The following DCUN1D4 variants were observed in gnomAD, a reference collection of about 807,000 sequenced individuals.
The protein encoded by DCUN1D4 is defective in cullin neddylation 1 domain containing 4.
Under a neutral mutation model 47.9 loss-of-function variants are expected in DCUN1D4, and 22 were observed. That is an observed-to-expected ratio of 0.46 (90% CI 0.33 to 0.66). The LOEUF (loss-of-function observed/expected upper bound fraction) is 0.66. Among genes scored for constraint, DCUN1D4 ranks in the 30% least tolerant of loss-of-function variants. DCUN1D4 has a pLI of 0.02. For missense variants in DCUN1D4, 301 were observed against 340.8 expected, an observed-to-expected ratio of 0.88 and a Z score of 0.92; for synonymous variants, 121 against 112.2, an observed-to-expected ratio of 1.08 and a Z score of -0.50.
At chr4:51,894,560 C>T (rs754077539) in intron 7 of DCUN1D4, among the ~76,000 whole-genome samples, 1 of 152,128 alleles carries the variant, frequency 6.6e-6, no homozygotes, top group Non-Finnish European at 1.5e-5. Context: ...GTCATAAGGT[C>T]ACTTGTCTTT....
At chr4:51,887,526 A>G (rs1057155673) in intron 6 of DCUN1D4, among the ~76,000 whole-genome samples, 1 of 151,944 alleles carries the variant, frequency 6.6e-6, no homozygotes, top group Non-Finnish European at 1.5e-5. Context: ...TTCCTACATC[A>G]CCTCTCTTAC....
intron 1 of DCUN1D4, among the ~76,000 whole-genome samples, chr4:51,847,692 G>A (rs1722769333): frequency 6.6e-6 from 1 of 151,794 alleles, no homozygotes; most frequent in Admixed American, 6.6e-5. Flanking sequence ...TGGGCTTCAG[G>A]GGTCCTTCCA....
chr4:51,849,003 G>A (rs947672690), intron 1 of DCUN1D4, among the ~76,000 whole-genome samples: 7 of 152,042 alleles, frequency 4.6e-5, no homozygotes, highest in African/African-American at 1.7e-4. Flanking sequence ...TTGCAGAGAC[G>A]GGGAGTAATC....
intron 7 of DCUN1D4, among the ~76,000 whole-genome samples, chr4:51,897,900 A>G (rs1731511393): frequency 6.6e-6 from 1 of 152,258 alleles, no homozygotes; most frequent in Admixed American, 6.5e-5. Context: ...AGTCCAGAAA[A>G]TAAGAAGGTC....
intron 3 of DCUN1D4, among the ~76,000 whole-genome samples, chr4:51,867,087 G>T (rs975974977): frequency 6.6e-6 from 1 of 152,254 alleles, no homozygotes; most frequent in Non-Finnish European, 1.5e-5. Context: ...CTGCAGTGGG[G>T]CAAGTAGCTC....
intron 3 of DCUN1D4, among the ~76,000 whole-genome samples, chr4:51,866,411 T>TGATGATGATGATG (rs1725924857): frequency 1.8e-5 from 1 of 55,626 alleles, no homozygotes. Context: ...GATGATGATG[T>TGATGATGATGATG]ATTTTTTCCT....
At chr4:51,878,937 G>A (rs1207736135) in intron 5 of DCUN1D4, among the ~76,000 whole-genome samples, 1 of 152,146 alleles carries the variant, frequency 6.6e-6, no homozygotes, top group Non-Finnish European at 1.5e-5. Context: ...CCTTGCCCCT[G>A]TTGGCCACAG....
chr4:51,834,074 CTCTCTCTCTCTCT>C, the DCUN1D4 span, among the ~76,000 whole-genome samples: 7 of 106,010 alleles, frequency 6.6e-5, no homozygotes, highest in East Asian at 1.7e-3. Context: ...CTCTCTCTCT[CTCTCTCTCTCTCT>C]TTTCTTTTCT....
intron 5 of DCUN1D4, 145 bp from the exon 6 acceptor site, chr4:51,886,423 A>C (rs1202417270): frequency 1.0e-5 from 6 of 582,428 alleles, no homozygotes; most frequent in Non-Finnish European, 1.8e-5. Context: ...AAATTCGAGA[A>C]TACTTTTCAA....
the DCUN1D4 span, among the ~76,000 whole-genome samples, chr4:51,835,037 G>T: frequency 6.6e-6 from 1 of 152,174 alleles, no homozygotes; most frequent in Non-Finnish European, 1.5e-5. Flanking sequence ...ATTTGCCTTG[G>T]ACTCCAAAGA....
chr4:51,882,972 G>A (rs1424998133), intron 5 of DCUN1D4, among the ~76,000 whole-genome samples: 2 of 151,944 alleles, frequency 1.3e-5, no homozygotes, highest in African/African-American at 4.8e-5. Context: ...AACAAAATAG[G>A]AATAGATGAA....
intron 1 of DCUN1D4, chr4:51,845,303 G>C: frequency 1.0e-6 from 1 of 983,808 alleles, no homozygotes; most frequent in South Asian, 4.7e-5. Flanking sequence ...TGGGGTGTTT[G>C]AAAAAATAAC....
chr4:51,882,780 A>G (rs1728872525), intron 5 of DCUN1D4, among the ~76,000 whole-genome samples: 1 of 152,092 alleles, frequency 6.6e-6, no homozygotes. Flanking sequence ...AAATAAATAA[A>G]TAAATAAAAG....
At chr4:51,863,974 G>C (rs185189288) in intron 3 of DCUN1D4, among the ~76,000 whole-genome samples, 1 of 152,256 alleles carries the variant, frequency 6.6e-6, no homozygotes, top group Non-Finnish European at 1.5e-5. Flanking sequence ...CTCTACTGCA[G>C]TATTTTCATT....
Position 51,853,102 on chromosome 4 carries a change from G to A in DCUN1D4, c.25+9835G>A, listed in dbSNP as rs562545328. 5.9e-5 allele frequency among the ~76,000 whole-genome samples: 9 copies of A among 152,286 alleles called. No individual in the cohort carries two copies. The South Asian group carries it at 1.7e-3, about 28-fold the overall frequency. On this transcript the variant is annotated intron_variant, in intron 1 of 10. Transcript: ENST00000334635. ...GGGAGTGCAGCCAGACGGGTGTCCTGAAGTGACTGAGTCCCTTGGGATAGC... is the reference window on the plus strand; with the variant it reads ...GGGAGTGCAGCCAGACGGGTGTCCTAAAGTGACTGAGTCCCTTGGGATAGC...
chr4:51,851,440 A>C (rs1247826839), intron 1 of DCUN1D4, among the ~76,000 whole-genome samples: 1 of 151,950 alleles, frequency 6.6e-6, no homozygotes, highest in African/African-American at 2.4e-5. Flanking sequence ...GTCAGGTGGG[A>C]GCTTTCCAAG....
intron 1 of DCUN1D4, among the ~76,000 whole-genome samples, chr4:51,853,448 T>C (rs1422201310): frequency 1.3e-5 from 2 of 152,350 alleles, no homozygotes; most frequent in African/African-American, 2.4e-5. Flanking sequence ...GCTTTTCAGC[T>C]CTGCAATCTT....
chr4:51,890,742 C>T (rs1730293144), intron 6 of DCUN1D4, among the ~76,000 whole-genome samples: 1 of 152,220 alleles, frequency 6.6e-6, no homozygotes, highest in African/African-American at 2.4e-5. Context: ...TGGCCTCAAC[C>T]CTGTCCCTGT....
intron 1 of DCUN1D4, 158 bp downstream of exon 1, chr4:51,843,425 T>C: frequency 5.8e-6 from 7 of 1,198,014 alleles, no homozygotes; most frequent in Middle Eastern, 6.2e-4. Context: ...GGGCGGGCGG[T>C]GACGCTGCGG....
Sources: gnomAD v4.1 joint callset for allele counts (sites outside exome capture counted in the v4.1 genomes callset) on GRCh38, gnomAD v4.1.1 for gene constraint, MANE v1.5 for transcripts, NCBI Gene and HGNC (gene_info 2026-07-23, HGNC 2026-07-21) for gene names.